RPF2: variants seen among roughly 807,000 people sequenced by gnomAD.
The protein encoded by RPF2 is brix domain containing 1.
In RPF2, 21 loss-of-function variants were observed where a neutral mutation model predicts 38.9. The ratio of observed to expected loss-of-function variants is 0.54; its 90% CI spans 0.38 to 0.78. The LOEUF (loss-of-function observed/expected upper bound fraction) is 0.78. Ranked by LOEUF, RPF2 falls within the 30% of genes least tolerant of loss-of-function variation. The probability of loss-of-function intolerance (pLI) is 0.00; values close to 1 mark genes in which losing one functional copy is unlikely to be tolerated. For missense variants in RPF2, 314 were observed against 358.1 expected (o/e 0.88, Z 0.99); for synonymous variants, 121 against 126.2 (o/e 0.96, Z 0.28).
chr6:110,983,800 G>A (rs1377795135), intron 1 of RPF2, among the ~76,000 whole-genome samples: 1 of 140,062 alleles, frequency 7.1e-6, no homozygotes, highest in Admixed American at 6.8e-5. Context: ...CTGAGGCGGG[G>A]GGGTGGGTCA....
intron 3 of RPF2, 55 bp from the exon 4 acceptor site, chr6:110,991,692 T>C (rs2114299535): frequency 3.4e-6 from 2 of 591,352 alleles, no homozygotes; most frequent in East Asian, 6.8e-5. Context: ...CTTAATATAT[T>C]AATTGTATAT....
chr6:111,012,137 T>G (rs1401400782), intron 7 of RPF2, among the ~76,000 whole-genome samples: 1 of 151,810 alleles, frequency 6.6e-6, no homozygotes, highest in African/African-American at 2.4e-5. Context: ...ATACCCATTT[T>G]GTTCATTCTT....
rs534373827 is a variant in RPF2, at chr6:110,989,060, T to C, written c.189T>C (p.Tyr63=). The change falls in exon 3 of 10, where the codon TAT becomes TAC. Residue 63 remains tyrosine (Y), a synonymous_variant. Coordinates refer to ENST00000441448, the MANE Select transcript of RPF2 (RefSeq NM_032194.3). ...YALKKPYGVL[Y]KKKNITRPFE... is the part of the protein sequence containing the mutation. ...TGAAAAAACCATACGGTGTACTATA[T>C]AAAAAGTAAGTCATGATTTCTTTTA... is the stretch of plus-strand genomic sequence containing the variant. 6.4e-7 allele frequency: 1 copy of C among 1,562,988 alleles called. No homozygotes were observed. Among genetic ancestry groups the C allele is most frequent in the East Asian group, 2.4e-5 (1 of 42,152 alleles).
At chr6:110,985,935 C>G (rs112048172) in intron 2 of RPF2, among the ~76,000 whole-genome samples, 1 of 104,580 alleles carries the variant, frequency 9.6e-6, no homozygotes, top group Non-Finnish European at 2.1e-5. Flanking sequence ...GACTCCATTT[C>G]AAAAAAAAAA....
At chr6:111,019,566 G>A (rs1047147556) in intron 8 of RPF2, among the ~76,000 whole-genome samples, 13 of 151,978 alleles carry the variant, frequency 8.6e-5, no homozygotes, top group East Asian at 3.9e-4. Flanking sequence ...GCATAACACC[G>A]TCGCTACTAA....
intron 4 of RPF2, among the ~76,000 whole-genome samples, chr6:110,992,897 C>T (rs754088322): frequency 1.3e-5 from 2 of 152,080 alleles, no homozygotes; most frequent in East Asian, 1.9e-4. Context: ...GAAAACGTAG[C>T]GAGACCCTGT....
chr6:111,003,206 C>T (rs1183715896), intron 6 of RPF2, among the ~76,000 whole-genome samples: 2 of 151,568 alleles, frequency 1.3e-5, no homozygotes, highest in African/African-American at 4.8e-5. Context: ...TTTACTTCTC[C>T]CTTGTCTTTA....
intron 7 of RPF2, among the ~76,000 whole-genome samples, 190 bp from the exon 8 acceptor site, chr6:111,015,564 C>A (rs115855030): frequency 0.013 from 2,003 of 152,268 alleles, 44 homozygotes; most frequent in African/African-American, 0.046. Flanking sequence ...GTGAACTGAA[C>A]ACCAAAATAC....
chr6:111,005,936 A>G (rs1408254766), intron 6 of RPF2, among the ~76,000 whole-genome samples: 4 of 152,056 alleles, frequency 2.6e-5, no homozygotes, highest in Non-Finnish European at 5.9e-5. Context: ...CTCAGCCCCG[A>G]CTAGCTGGGA....
chr6:110,992,523 C>T (rs1020448848), intron 4 of RPF2, among the ~76,000 whole-genome samples: 1 of 151,580 alleles, frequency 6.6e-6, no homozygotes, highest in Admixed American at 6.6e-5. Flanking sequence ...AGCAATCCTC[C>T]TGCCTCAGTC....
At position 110,991,804 on chromosome 6, in the gene RPF2, T is replaced by C. The variant is rs1771625029; in HGVS notation, c.234+18T>C. On this transcript the variant is annotated intron_variant, in intron 4 of 9. Transcript: ENST00000441448. ...CATCACTGGTAAGTATAATAATCTT[T>C]ATGATTTAAGAAAGCATATAAGTAG... 9.3e-7 allele frequency: 1 copy of C among 1,071,062 alleles called. No individual in the cohort carries two copies. Among genetic ancestry groups the C allele is most frequent in the Non-Finnish European group, 1.3e-6 (1 of 748,754 alleles). 66.3% of individuals were successfully genotyped at this position (1,071,062 alleles called of 1,614,324 possible).
At chr6:111,001,867 A>G (rs1771816413) in intron 6 of RPF2, among the ~76,000 whole-genome samples, 1 of 152,206 alleles carries the variant, frequency 6.6e-6, no homozygotes, top group Non-Finnish European at 1.5e-5. Context: ...ACTAGACCAC[A>G]GTCCAGGCTC....
At chr6:111,005,415 A>G (rs1030652221) in intron 6 of RPF2, among the ~76,000 whole-genome samples, 1 of 152,108 alleles carries the variant, frequency 6.6e-6, no homozygotes, top group Non-Finnish European at 1.5e-5. Flanking sequence ...AATTTTTACT[A>G]TTTCATTTTT....
intron 8 of RPF2, among the ~76,000 whole-genome samples, chr6:111,018,833 T>A (rs1445240723): frequency 6.6e-6 from 1 of 152,182 alleles, no homozygotes; most frequent in Non-Finnish European, 1.5e-5. Context: ...CCATATGTGA[T>A]TTGGGAGCTT....
At chr6:110,992,055 C>A (rs1349430060) in intron 4 of RPF2, among the ~76,000 whole-genome samples, 1 of 152,092 alleles carries the variant, frequency 6.6e-6, no homozygotes, top group African/African-American at 2.4e-5. Context: ...GCCTGTAATC[C>A]TAGCACTTTG....
intron 8 of RPF2, among the ~76,000 whole-genome samples, chr6:111,020,987 G>T (rs1009667406): frequency 6.6e-6 from 1 of 152,110 alleles, no homozygotes; most frequent in Non-Finnish European, 1.5e-5. Context: ...GGCTAACACG[G>T]TGAAACATCA....
intron 2 of RPF2, among the ~76,000 whole-genome samples, chr6:110,988,584 C>T (rs1299003563): frequency 1.3e-5 from 2 of 152,124 alleles, no homozygotes. Flanking sequence ...TGCAGGCATG[C>T]ACCACTATGC....
At chr6:111,006,784 T>G (rs1311640368) in intron 6 of RPF2, among the ~76,000 whole-genome samples, 2 of 151,808 alleles carry the variant, frequency 1.3e-5, no homozygotes, top group Non-Finnish European at 2.9e-5. Flanking sequence ...TTTTTAAAAG[T>G]TTTTTTTGGC....
chr6:111,017,537 G>A (rs537078919), intron 8 of RPF2, among the ~76,000 whole-genome samples: 136 of 129,898 alleles, frequency 1.0e-3, no homozygotes, highest in African/African-American at 3.5e-3. Context: ...CTTCTTAGAC[G>A]GGGCGGCCGG....
Sources: allele counts gnomAD v4.1 joint callset (sites outside exome capture counted in the v4.1 genomes callset), GRCh38; gene constraint gnomAD v4.1.1; transcripts MANE v1.5; gene names NCBI Gene and HGNC (gene_info 2026-07-23, HGNC 2026-07-21).